The following THEMIS variants were observed in gnomAD, a reference collection of about 807,000 sequenced individuals.
The protein encoded by THEMIS is protein THEMIS.
In THEMIS, 37 loss-of-function variants were observed where a neutral mutation model predicts 52.6. The ratio of observed to expected loss-of-function variants is 0.70; its 90% CI spans 0.54 to 0.93. The LOEUF is 0.93. THEMIS is among the 40% of genes least tolerant of loss of function. THEMIS has a pLI of 0.00. For synonymous variants in THEMIS, 292 were observed against 272.7 expected, an observed-to-expected ratio of 1.07 and a Z score of -0.70; for missense variants, 808 against 763.1, an observed-to-expected ratio of 1.06 and a Z score of -0.69.
chr6:127,854,988 A>G, intron 2 of THEMIS, 42 bp downstream of exon 2: 2 of 1,542,626 alleles, frequency 1.3e-6, no homozygotes, highest in Non-Finnish European at 1.7e-6. Flanking sequence ...TATTAATAAC[A>G]ATATAGTTGT....
intron 3 of THEMIS, among the ~76,000 whole-genome samples, chr6:127,828,646 A>C (rs1358225205): frequency 6.6e-6 from 1 of 152,174 alleles, no homozygotes; most frequent in Non-Finnish European, 1.5e-5. Context: ...AAATAATTCT[A>C]TGAAGATTGC....
chr6:127,859,494 T>A (rs182194305), intron 1 of THEMIS, among the ~76,000 whole-genome samples: 7 of 152,238 alleles, frequency 4.6e-5, no homozygotes, highest in Admixed American at 3.3e-4. Context: ...AAACAGTTTT[T>A]TTTATCACTT....
rs892606552 is a variant in THEMIS at position 127,815,037 on chromosome 6, G to A, written c.710-1106C>T. ...TAGCTGAATCTGGTGGCATGTCCCAGCTACTCAGGAGACTGAGGTGGGAAG... is the reference window on the plus strand; with the variant it reads ...TAGCTGAATCTGGTGGCATGTCCCAACTACTCAGGAGACTGAGGTGGGAAG... On this transcript the variant is annotated intron_variant, in intron 3 of 5. Coordinates refer to ENST00000368248, the MANE Select transcript of THEMIS (RefSeq NM_001010923.3). 5.3e-5 allele frequency among the ~76,000 whole-genome samples: 8 copies of A among 152,096 alleles called. No individual in the cohort carries two copies. The South Asian group carries it at 8.3e-4, about 16-fold the overall frequency.
intron 1 of THEMIS, among the ~76,000 whole-genome samples, chr6:127,874,754 A>G (rs1780264296): frequency 6.6e-6 from 1 of 152,248 alleles, no homozygotes; most frequent in African/African-American, 2.4e-5. Context: ...AAAAAGCAAC[A>G]TGGGTGATGT....
At chr6:127,752,363 GT>G (rs34834022) in intron 4 of THEMIS, among the ~76,000 whole-genome samples, 22,215 of 137,662 alleles carry the variant, frequency 0.16, 1,903 homozygotes, top group African/African-American at 0.24. Flanking sequence ...GAAACGAAGA[GT>G]TTTTTTTTTT....
At chr6:127,904,803 T>C (rs557190199), upstream of THEMIS, among the ~76,000 whole-genome samples, 1 of 152,088 alleles carries the variant, frequency 6.6e-6, no homozygotes, top group South Asian at 2.1e-4. Flanking sequence ...CTATAGAAAG[T>C]ATCGGATGAA....
intron 4 of THEMIS, among the ~76,000 whole-genome samples, chr6:127,721,039 G>T (rs547008541): frequency 3.8e-4 from 58 of 151,928 alleles, no homozygotes; most frequent in Non-Finnish European, 8.1e-4. Flanking sequence ...TGACACAGAG[G>T]CTTGAAAGAG....
intron 4 of THEMIS, among the ~76,000 whole-genome samples, chr6:127,744,509 A>G (rs2114295555): frequency 6.6e-6 from 1 of 152,186 alleles, no homozygotes; most frequent in East Asian, 1.9e-4. Context: ...AAAAAGAAGG[A>G]AATCTTATCA....
At chr6:127,703,608 T>A (rs1289991657), downstream of THEMIS, among the ~76,000 whole-genome samples, 2 of 152,184 alleles carry the variant, frequency 1.3e-5, no homozygotes, top group Non-Finnish European at 2.9e-5. Context: ...CCCCATAGCT[T>A]AAGTACCTTG....
chr6:127,805,417 T>A (rs1455079845), intron 4 of THEMIS, among the ~76,000 whole-genome samples: 1 of 152,098 alleles, frequency 6.6e-6, no homozygotes, highest in Non-Finnish European at 1.5e-5. Flanking sequence ...GAGTTTTTCC[T>A]TAAATAACGC....
rs1402797733 is a variant in THEMIS, at chr6:127,813,752, G to A, written c.889C>T (p.Pro297Ser). 4 of 1,613,886 alleles carry A rather than the reference G, an allele frequency of 2.5e-6. No homozygotes were observed. In the South Asian group the frequency reaches 3.3e-5, roughly 13 times the overall value. Residue 297 changes from proline to serine, a missense_variant, in exon 4 of 6, where the codon CCC becomes TCC. Pro to Ser is a moderately conservative substitution (Grantham distance 74, BLOSUM62 -1). Coordinates refer to ENST00000368248, the MANE Select transcript of THEMIS (RefSeq NM_001010923.3). ...TTCCCAGGCTGTAAAATGCTTTGGG[G>A]CAGGTGGTTTCCTTCAGGTGCTTCT... ...VIEAPEGNHL[P>S]QSILQPGKTI... is the part of the protein sequence containing the mutation.
At chr6:127,802,902 C>T (rs1419582563) in intron 4 of THEMIS, among the ~76,000 whole-genome samples, 1 of 152,152 alleles carries the variant, frequency 6.6e-6, no homozygotes, top group Admixed American at 6.5e-5. Flanking sequence ...TATTCTTCTA[C>T]CTATGTTCTG....
intron 1 of THEMIS, among the ~76,000 whole-genome samples, chr6:127,868,121 G>A (rs149943751): frequency 6.6e-6 from 1 of 152,078 alleles, no homozygotes; most frequent in East Asian, 1.9e-4. Context: ...TTAACATAAG[G>A]AAAATAATAT....
chr6:127,763,335 T>C (rs1429962691), intron 4 of THEMIS, among the ~76,000 whole-genome samples: 1 of 152,024 alleles, frequency 6.6e-6, no homozygotes, highest in African/African-American at 2.4e-5. Flanking sequence ...CATTGAATCA[T>C]CAAAAATCAA....
chr6:127,904,978 A>C (rs188891214), upstream of THEMIS, among the ~76,000 whole-genome samples: 128 of 152,012 alleles, frequency 8.4e-4, 1 homozygote, highest in Middle Eastern at 3.4e-3. Context: ...CTATCTATCT[A>C]TCTCTGTGTC....
intron 1 of THEMIS, among the ~76,000 whole-genome samples, chr6:127,891,538 C>CAAAAAAAAAA (rs67886431): frequency 2.1e-5 from 2 of 96,836 alleles, no homozygotes; most frequent in Non-Finnish European, 2.0e-5. Flanking sequence ...TCCAGCTCAA[C>CAAAAAAAAAA]AAAAAAAAAA....
intron 4 of THEMIS, among the ~76,000 whole-genome samples, chr6:127,730,316 G>GAAA (rs1176339654): frequency 0.44 from 57,441 of 129,492 alleles, 14,248 homozygotes; most frequent in Non-Finnish European, 0.57. Flanking sequence ...GAAAAGAAAA[G>GAAA]AGAAAAAAAG....
At chr6:127,758,423 A>ATT (rs1340596887) in intron 4 of THEMIS, among the ~76,000 whole-genome samples, 5 of 147,888 alleles carry the variant, frequency 3.4e-5, no homozygotes, top group African/African-American at 1.2e-4. Context: ...ATAAATATAT[A>ATT]TTATATATAT....
intron 4 of THEMIS, among the ~76,000 whole-genome samples, chr6:127,774,398 G>C (rs1291736447): frequency 3.3e-5 from 5 of 152,054 alleles, no homozygotes; most frequent in Non-Finnish European, 1.5e-5. Flanking sequence ...GTACAGACGG[G>C]GTTTCACCGT....
Sources: allele counts gnomAD v4.1 joint callset (sites outside exome capture counted in the v4.1 genomes callset), GRCh38; gene constraint gnomAD v4.1.1; transcripts MANE v1.5; gene names NCBI Gene and HGNC (gene_info 2026-07-23, HGNC 2026-07-21).